The following TENM2 variants were observed in gnomAD, a reference collection of about 807,000 sequenced individuals.
TENM2 encodes teneurin transmembrane protein 2.
A neutral mutation model predicts 245.2 loss-of-function variants in TENM2; 52 were observed. The observed-to-expected ratio is 0.21, with a 90% CI of 0.17 to 0.27. The LOEUF (loss-of-function observed/expected upper bound fraction) is 0.27. Ranked by LOEUF, TENM2 falls within the 10% of genes least tolerant of loss-of-function variation. TENM2 has a pLI of 1.00. For missense variants in TENM2, 3,046 were observed against 3,666.8 expected (o/e 0.83, Z 4.37); for synonymous variants, 1,363 against 1,438.9 (o/e 0.95, Z 1.19).
the TENM2 span, among the ~76,000 whole-genome samples, chr5:167,056,571 G>GTATCTATATAAATA: frequency 9.8e-6 from 1 of 101,748 alleles, no homozygotes; most frequent in African/African-American, 4.9e-5. Context: ...ATATAAATAT[G>GTATCTATATAAATA]TATCTATATA....
Position 167,411,569 on chromosome 5 carries a change from T to TGAGA in TENM2, c.502+36098_502+36101dup, listed in dbSNP as rs796512035. The stretch of plus-strand genomic sequence containing the variant: ...TTGTGTGTGCATGTGTATATGTAGG[T>TGAGA]GAGAGTGTGTGTGTGTGTGTGTGTG... On this transcript the variant is annotated intron_variant, in intron 2 of 28. Transcript: ENST00000518659. 9.8e-3 allele frequency among the ~76,000 whole-genome samples: 1,300 copies of TGAGA among 132,886 alleles called. 31 individuals are homozygous for TGAGA. The highest frequency in any genetic ancestry group is 0.086 in the East Asian group (367 of 4,256). 87.2% of individuals were successfully genotyped at this position (132,886 alleles called of 152,430 possible). A position where few individuals can be genotyped will look rare whatever the true frequency, so the allele number is the denominator to read the frequency against.
intron 7 of TENM2, among the ~76,000 whole-genome samples, chr5:168,083,856 C>G (rs1318252746): frequency 6.6e-6 from 1 of 152,024 alleles, no homozygotes; most frequent in Non-Finnish European, 1.5e-5. Context: ...AGGTAGTGAG[C>G]CTAGCACCCA....
intron 2 of TENM2, among the ~76,000 whole-genome samples, chr5:167,403,942 G>T (rs1281212854): frequency 1.3e-5 from 2 of 150,222 alleles, no homozygotes; most frequent in Non-Finnish European, 3.0e-5. Context: ...ATCACCAAAA[G>T]ATTTTCTTTT....
intron 5 of TENM2, among the ~76,000 whole-genome samples, chr5:168,034,621 A>G (rs1425709147): frequency 1.3e-5 from 2 of 151,762 alleles, no homozygotes; most frequent in Admixed American, 1.3e-4. Context: ...AATAACTTTA[A>G]CTGACCAGGA....
chr5:167,537,491 A>G (rs1235328987), intron 2 of TENM2, among the ~76,000 whole-genome samples: 1 of 152,258 alleles, frequency 6.6e-6, no homozygotes, highest in East Asian at 1.9e-4. Flanking sequence ...AAAAGGAGAA[A>G]CTAAAAGTTT....
chr5:167,183,323 T>A, the TENM2 span, among the ~76,000 whole-genome samples: 1 of 152,178 alleles, frequency 6.6e-6, no homozygotes, highest in Non-Finnish European at 1.5e-5. Context: ...AGTGTGCAAA[T>A]CTGATATGTA....
At chr5:167,410,789 T>C (rs1248277915) in intron 2 of TENM2, among the ~76,000 whole-genome samples, 1 of 152,064 alleles carries the variant, frequency 6.6e-6, no homozygotes, top group Non-Finnish European at 1.5e-5. Flanking sequence ...TTCTGGGTCC[T>C]AAAAGAAGAG....
chr5:167,699,847 T>G (rs1333608357), intron 2 of TENM2, among the ~76,000 whole-genome samples: 1 of 152,192 alleles, frequency 6.6e-6, no homozygotes. Context: ...CAATCCTATG[T>G]AGTAGAAAGT....
chr5:167,367,966 C>T (rs1435524849), intron 1 of TENM2, among the ~76,000 whole-genome samples: 1 of 151,906 alleles, frequency 6.6e-6, no homozygotes, highest in Non-Finnish European at 1.5e-5. Context: ...AAAAATTGTA[C>T]TCCATATTCA....
chr5:168,242,178 A>G (rs546028591), intron 25 of TENM2, among the ~76,000 whole-genome samples: 1 of 152,312 alleles, frequency 6.6e-6, no homozygotes, highest in Non-Finnish European at 1.5e-5. Flanking sequence ...AGACCAGCCA[A>G]CAACAACCAC....
At chr5:167,644,762 A>G (rs1779821759) in intron 2 of TENM2, among the ~76,000 whole-genome samples, 1 of 152,138 alleles carries the variant, frequency 6.6e-6, no homozygotes, top group Non-Finnish European at 1.5e-5. Context: ...AATCATACTA[A>G]ACTGTCTTTC....
At chr5:168,082,826 A>T (rs954527645) in intron 7 of TENM2, among the ~76,000 whole-genome samples, 1 of 152,136 alleles carries the variant, frequency 6.6e-6, no homozygotes, top group Non-Finnish European at 1.5e-5. Flanking sequence ...TTCGTCTCAG[A>T]TGGGCATCTG....
chr5:167,715,821 C>T (rs1759217011), intron 2 of TENM2, among the ~76,000 whole-genome samples: 1 of 152,168 alleles, frequency 6.6e-6, no homozygotes, highest in African/African-American at 2.4e-5. Context: ...GAAATATATT[C>T]CCACTGCATT....
chr5:167,449,610 G>C (rs950413484), intron 2 of TENM2, among the ~76,000 whole-genome samples: 1 of 152,028 alleles, frequency 6.6e-6, no homozygotes, highest in Non-Finnish European at 1.5e-5. Context: ...TTATAGTTTG[G>C]TGCTTTCTAA....
At chr5:167,927,522 A>T (rs1360773707) in intron 3 of TENM2, among the ~76,000 whole-genome samples, 1 of 152,200 alleles carries the variant, frequency 6.6e-6, no homozygotes, top group East Asian at 1.9e-4. Flanking sequence ...CCTTAAGTGC[A>T]TAAATCAATC....
chr5:168,125,063 G>T lies in TENM2; in HGVS notation c.2209+13G>T, dbSNP rs750834265. On this transcript the variant is annotated intron_variant, in intron 11 of 28. Coordinates refer to ENST00000518659, the Ensembl canonical transcript of TENM2. Reference sequence around the variant, plus strand: ...GACTGCTCTGTTGGTAAGCCACAAGGTTTTCTCCTTCCTCTCTCCAACACT... The same window carrying T: ...GACTGCTCTGTTGGTAAGCCACAAGTTTTTCTCCTTCCTCTCTCCAACACT... The T allele has an allele frequency of 1.3e-6, 2 of 1,597,518 alleles. No homozygotes were observed. Among genetic ancestry groups the T allele is most frequent in the Non-Finnish European group, 1.7e-6 (2 of 1,172,350 alleles).
the TENM2 span, among the ~76,000 whole-genome samples, chr5:167,241,396 G>A: frequency 6.6e-6 from 1 of 152,174 alleles, no homozygotes; most frequent in African/African-American, 2.4e-5. Flanking sequence ...TGTGAAAGAT[G>A]GAGTCAAAAT....
intron 2 of TENM2, among the ~76,000 whole-genome samples, chr5:167,640,854 TATATCC>T (rs1270384077): frequency 7.7e-5 from 5 of 64,526 alleles, no homozygotes; most frequent in African/African-American, 3.2e-4. Context: ...TATATATATA[TATATCC>T]ATATATATAT....
intron 5 of TENM2, among the ~76,000 whole-genome samples, chr5:168,040,639 T>C (rs1788106643): frequency 6.6e-6 from 1 of 152,230 alleles, no homozygotes; most frequent in Admixed American, 6.5e-5. Context: ...TTTAAACTCC[T>C]TTTAAGACTT....
Sources: gnomAD v4.1 joint callset for allele counts (sites outside exome capture counted in the v4.1 genomes callset) on GRCh38, gnomAD v4.1.1 for gene constraint, MANE v1.5 for transcripts, NCBI Gene and HGNC (gene_info 2026-07-23, HGNC 2026-07-21) for gene names.